RSPO2: variants seen among roughly 807,000 people sequenced by gnomAD.
RSPO2 encodes R-spondin-2.
In RSPO2, 14 loss-of-function variants were observed where a neutral mutation model predicts 30.9. The ratio of observed to expected loss-of-function variants is 0.45; its 90% CI spans 0.30 to 0.71. The LOEUF (loss-of-function observed/expected upper bound fraction) is 0.71, where lower values mean the gene tolerates loss of function less well. Among genes scored for constraint, RSPO2 ranks in the 30% least tolerant of loss-of-function variants. The probability of loss-of-function intolerance (pLI) is 0.08; values close to 1 mark genes in which losing one functional copy is unlikely to be tolerated. For missense variants in RSPO2, 264 were observed against 301.9 expected (o/e 0.87, Z 0.93); for synonymous variants, 107 against 96.4 (o/e 1.11, Z -0.64).
At chr8:107,934,372 T>C (rs1351294664) in intron 5 of RSPO2, among the ~76,000 whole-genome samples, 1 of 9,066 alleles carries the variant, frequency 1.1e-4, no homozygotes, top group Non-Finnish European at 2.5e-4. Flanking sequence ...CTCATTTCCC[T>C]TTTTTTTTTT....
chr8:108,011,831 G>A (rs1810720412), intron 2 of RSPO2, among the ~76,000 whole-genome samples: 1 of 152,080 alleles, frequency 6.6e-6, no homozygotes, highest in Admixed American at 6.6e-5. Context: ...AGAACCCAAA[G>A]GCCTTAATAA....
chr8:108,043,328 G>A (rs1245431789), intron 2 of RSPO2, among the ~76,000 whole-genome samples: 4 of 152,124 alleles, frequency 2.6e-5, no homozygotes, highest in Non-Finnish European at 5.9e-5. Flanking sequence ...GCCTCAGAGA[G>A]ATAAAAGCAG....
At chr8:107,970,004 T>TG (rs568885009) in intron 3 of RSPO2, among the ~76,000 whole-genome samples, 49 of 152,196 alleles carry the variant, frequency 3.2e-4, no homozygotes, top group Non-Finnish European at 6.9e-4. Context: ...CTAATATATG[T>TG]GGTGCCCTCC....
At chr8:108,074,909 T>G (rs991721448) in intron 2 of RSPO2, among the ~76,000 whole-genome samples, 1 of 152,224 alleles carries the variant, frequency 6.6e-6, no homozygotes, top group Non-Finnish European at 1.5e-5. Flanking sequence ...TACACAGAAC[T>G]GTGTGGTCTC....
In RSPO2 at chr8:107,900,253, CA is replaced by C. The variant is rs1195869174; in HGVS notation, c.*821del. ...GAGTGGAGAAGGTCTACCCAATATG[CA>C]AACTCTTTGACACTGGTCATTTGAC... On this transcript the variant is annotated 3_prime_UTR_variant, in exon 6 of 6. Coordinates refer to ENST00000276659, the MANE Select transcript of RSPO2 (RefSeq NM_178565.5). 2 of 151,958 alleles carry C rather than the reference CA, an allele frequency of 1.3e-5. No individual in the cohort carries two copies. Among genetic ancestry groups the C allele is most frequent in the Non-Finnish European group, 2.9e-5 (2 of 68,014 alleles). The allele number at this position is 151,958 out of a possible 1,614,324, so 9.4% of individuals were successfully genotyped here.
At position 108,074,067 on chromosome 8, in the gene RSPO2, G is replaced by A. The variant is rs76622208; in HGVS notation, c.94+8478C>T. 8.5e-3 allele frequency among the ~76,000 whole-genome samples: 1,294 copies of A among 152,240 alleles called. 34 individuals are homozygous for A. The highest frequency in any genetic ancestry group is 0.03 in the African/African-American group (1,231 of 41,548). On this transcript the variant is annotated intron_variant, in intron 2 of 5. Transcript: ENST00000276659. ...TACACCACAAAAAGCAACAGAAAAT[G>A]TTTTTGCTTCTAATTTCAGGAAGCT...
intron 4 of RSPO2, among the ~76,000 whole-genome samples, chr8:107,959,544 C>A (rs890721130): frequency 1.3e-5 from 2 of 152,166 alleles, no homozygotes; most frequent in Non-Finnish European, 2.9e-5. Flanking sequence ...CAGTGGGTAT[C>A]ACAGCTGCTT....
intron 2 of RSPO2, among the ~76,000 whole-genome samples, chr8:108,010,489 C>T (rs1328114462): frequency 3.3e-5 from 5 of 152,030 alleles, no homozygotes; most frequent in Non-Finnish European, 7.4e-5. Context: ...CTCTTGAGCC[C>T]GAAGCAGTAT....
At chr8:107,954,494 C>T (rs1813351865) in intron 5 of RSPO2, among the ~76,000 whole-genome samples, 1 of 152,164 alleles carries the variant, frequency 6.6e-6, no homozygotes, top group Non-Finnish European at 1.5e-5. Context: ...TTATATCTGC[C>T]ATGGGTACAG....
intron 5 of RSPO2, among the ~76,000 whole-genome samples, chr8:107,905,111 T>A (rs1811595895): frequency 6.6e-6 from 1 of 152,088 alleles, no homozygotes; most frequent in Admixed American, 6.6e-5. Flanking sequence ...CCACTGCCAG[T>A]CAGACAGTGA....
chr8:107,941,340 G>A (rs555762576), intron 5 of RSPO2, among the ~76,000 whole-genome samples: 2 of 152,206 alleles, frequency 1.3e-5, no homozygotes, highest in Admixed American at 6.5e-5. Flanking sequence ...AGGAACTTGG[G>A]TGTTACAATA....
chr8:108,013,210 A>C (rs1810762600), intron 2 of RSPO2, among the ~76,000 whole-genome samples: 2 of 152,226 alleles, frequency 1.3e-5, no homozygotes, highest in Non-Finnish European at 1.5e-5. Context: ...CTAGTAACTT[A>C]AACTAGAAAC....
chr8:108,071,901 C>T (rs1254290143), intron 2 of RSPO2, among the ~76,000 whole-genome samples: 1 of 152,138 alleles, frequency 6.6e-6, no homozygotes, highest in Non-Finnish European at 1.5e-5. Flanking sequence ...GGTATGGTAA[C>T]ATGGGAGCTG....
chr8:107,983,772 G>C, intron 3 of RSPO2: 6 of 1,599,282 alleles, frequency 3.8e-6, no homozygotes, highest in Non-Finnish European at 5.1e-6. Context: ...TGTAGATGCT[G>C]ATTTTGTAGA....
At chr8:107,907,100 A>C (rs536865275) in intron 5 of RSPO2, among the ~76,000 whole-genome samples, 2 of 152,106 alleles carry the variant, frequency 1.3e-5, no homozygotes, top group East Asian at 3.9e-4. Context: ...GCATATTTTA[A>C]TTATTTTTAT....
At chr8:108,070,155 C>T (rs73309362) in intron 2 of RSPO2, among the ~76,000 whole-genome samples, 4,754 of 152,044 alleles carry the variant, frequency 0.031, 224 homozygotes, top group African/African-American at 0.1. Flanking sequence ...GCATATGGTG[C>T]GGAATCTCAA....
rs140554679 is a variant in RSPO2, at chr8:107,971,273, G to A, written c.284-10456C>T. Among the ~76,000 whole-genome samples the A allele has an allele frequency of 4.3e-4, 66 of 152,090 alleles. 1 individual carries two copies. The highest frequency in any genetic ancestry group is 3.4e-3 in the Middle Eastern group (1 of 290). On this transcript the variant is annotated intron_variant, in intron 3 of 5. Coordinates refer to ENST00000276659, the MANE Select transcript of RSPO2 (RefSeq NM_178565.5). ...AAAAATACAATTACCTCTATTAAAC[G>A]GAAAGTCACGACTTTTATTTTCCAA...
intron 5 of RSPO2, among the ~76,000 whole-genome samples, chr8:107,917,978 C>G (rs1812030892): frequency 6.6e-6 from 1 of 152,038 alleles, no homozygotes; most frequent in Non-Finnish European, 1.5e-5. Context: ...CTATTGAATG[C>G]ACGTTTCTAA....
chr8:108,044,224 G>T (rs192856030), intron 2 of RSPO2, among the ~76,000 whole-genome samples: 1,829 of 152,160 alleles, frequency 0.012, 19 homozygotes, highest in Non-Finnish European at 0.02. Context: ...CTTTTCTGGG[G>T]AGAGGTTTTG....
Sources: allele counts gnomAD v4.1 joint callset (sites outside exome capture counted in the v4.1 genomes callset), GRCh38; gene constraint gnomAD v4.1.1; transcripts MANE v1.5; gene names NCBI Gene and HGNC (gene_info 2026-07-23, HGNC 2026-07-21).